The following DNAH1 variants were observed in gnomAD, a reference collection of about 807,000 sequenced individuals.
DNAH1 encodes the protein dynein axonemal heavy chain 1, also known as axonemal beta dynein heavy chain 1.
In DNAH1, 327 loss-of-function variants were observed where a neutral mutation model predicts 484.3. The ratio of observed to expected loss-of-function variants is 0.68; its 90% CI spans 0.62 to 0.74. The LOEUF is 0.74. DNAH1 is among the 30% of genes least tolerant of loss of function. The pLI is 0.00. For synonymous variants in DNAH1, 2,192 were observed against 2,191.9 expected (o/e 1.00, Z 0.00); for missense variants, 5,052 against 5,546.8 (o/e 0.91, Z 2.83).
chr3:52,381,542 T>G lies in DNAH1; in HGVS notation c.7609-98T>G. ...CAGGTGGTCAAGGCACCTGTGCTTC[T>G]CAGTCAGGACAGAGAAGAAAGCGGG... is the stretch of plus-strand genomic sequence containing the variant. On this transcript the variant is annotated intron_variant, in intron 48 of 77. Coordinates refer to ENST00000420323, the MANE Select transcript of DNAH1 (RefSeq NM_015512.5). The surrounding 1 kb of genome is among the most constrained non-coding windows in gnomAD (Gnocchi z 4.1). The G allele has an allele frequency of 8.3e-7, 1 of 1,204,470 alleles. No homozygotes were observed. The highest frequency in any genetic ancestry group is 1.1e-6 in the Non-Finnish European group (1 of 872,008). The allele number at this position is 1,204,470 out of a possible 1,614,324, so 74.6% of individuals were successfully genotyped here.
intron 67 of DNAH1, 112 bp downstream of exon 67, chr3:52,394,773 G>C (rs980549820): frequency 1.1e-5 from 16 of 1,475,796 alleles, no homozygotes; most frequent in Middle Eastern, 1.8e-4. Context: ...CCCTGTGGCT[G>C]TGGCCACATC....
chr3:52,330,089 C>T (rs898472627), intron 6 of DNAH1, among the ~76,000 whole-genome samples: 1 of 152,184 alleles, frequency 6.6e-6, no homozygotes, highest in African/African-American at 2.4e-5. Flanking sequence ...GGATTATAGG[C>T]ATGAGCCACC....
At chr3:52,349,743 C>T (rs925097744) in intron 14 of DNAH1, among the ~76,000 whole-genome samples, 8 of 152,216 alleles carry the variant, frequency 5.3e-5, no homozygotes, top group South Asian at 2.1e-4. Flanking sequence ...AGAAGCCCTG[C>T]GTGTGTTGGT....
In DNAH1 at chr3:52,355,429, G is replaced by T. The variant is rs144222239; in HGVS notation, c.3693+374G>T. Among the ~76,000 whole-genome samples, 506 of 152,374 alleles carry T rather than the reference G, an allele frequency of 3.3e-3. 3 individuals are homozygous for T. Among genetic ancestry groups the T allele is most frequent in the African/African-American group, 0.011 (474 of 41,592 alleles). On this transcript the variant is annotated intron_variant, in intron 21 of 77. Coordinates refer to ENST00000420323, the MANE Select transcript of DNAH1 (RefSeq NM_015512.5). This position sits in a 1 kb window ranked among gnomAD's most constrained non-coding sequence, Gnocchi z 4.5. ...GGGCCGGATGTCCCAAGGTCCCAGA[G>T]CACCTCAGTGCCCTTTCCCACTCTG... is the stretch of plus-strand genomic sequence containing the variant.
rs749246232 is a variant in DNAH1, at chr3:52,383,421, C to T, written c.7977C>T (p.Asn2659=). The change falls in exon 51 of 78, where the codon AAC becomes AAT. Residue 2659 remains asparagine (N), a synonymous_variant. Transcript: ENST00000420323. The stretch of plus-strand genomic sequence containing the variant: ...AATCCTTCCTGGAAGATATCAACAA[C>T]GTCCTAAACTCTGGTGACATTCCCA... ...KNESFLEDIN[N]VLNSGDIPNL... The T allele has an allele frequency of 5.6e-6, 9 of 1,613,870 alleles. No individual in the cohort carries two copies. The highest frequency in any genetic ancestry group is 2.2e-5 in the South Asian group (2 of 91,074).
intron 8 of DNAH1, among the ~76,000 whole-genome samples, chr3:52,341,827 G>A (rs1164772087): frequency 2.6e-5 from 4 of 152,146 alleles, no homozygotes; most frequent in African/African-American, 7.2e-5. Context: ...AAGGGAGGGA[G>A]TGGATGTCAG....
rs200103057 is a variant in DNAH1 at position 52,354,966 on chromosome 3, G to A, written c.3604G>A (p.Val1202Ile). 2.3e-5 allele frequency: 37 copies of A among 1,613,892 alleles called. No individual in the cohort carries two copies. The highest frequency in any genetic ancestry group is 1.6e-4 in the Middle Eastern group (1 of 6,084). Residue 1202 changes from valine (V) to isoleucine (I), a missense_variant, in exon 21 of 78, where the codon GTC (valine) becomes ATC (isoleucine). Around this residue, in one of 4 missense-constraint regions of DNAH1, gnomAD observed 2,929 missense variants for 3,409.4 expected, o/e 0.86. Transcript: ENST00000420323. ...EASQLLDDHI[V>I]MTQNMSFSPY... ...CTCACAGCTGCTGGACGACCACATC[G>A]TCATGACCCAGAATATGTCATTTTC... is the stretch of plus-strand genomic sequence containing the variant.
At chr3:52,377,162 G>A (rs1167150696) in intron 46 of DNAH1, among the ~76,000 whole-genome samples, 1 of 152,088 alleles carries the variant, frequency 6.6e-6, no homozygotes, top group Non-Finnish European at 1.5e-5. Context: ...GATGTCCACA[G>A]GGTATCTCAG....
intron 44 of DNAH1, chr3:52,374,388 A>G (rs1578167243): frequency 1.5e-6 from 2 of 1,373,294 alleles, no homozygotes; most frequent in Non-Finnish European, 2.1e-6. Context: ...GTTTTTAGAA[A>G]AGGACAGCAC....
intron 1 of DNAH1, among the ~76,000 whole-genome samples, chr3:52,320,398 G>A (rs1701101175): frequency 6.6e-6 from 1 of 152,250 alleles, no homozygotes; most frequent in Non-Finnish European, 1.5e-5. Flanking sequence ...GCTGGAGGCA[G>A]GTCGGCCTTT....
At position 52,361,474 on chromosome 3, in the gene DNAH1, G is replaced by A; in HGVS notation, c.4874+122G>A. 1 of 1,310,314 alleles carries A rather than the reference G, an allele frequency of 7.6e-7. No homozygotes were observed. The highest frequency in any genetic ancestry group is 1.0e-6 in the Non-Finnish European group (1 of 960,574). The allele number at this position is 1,310,314 out of a possible 1,614,324, so 81.2% of individuals were successfully genotyped here. A position where few individuals can be genotyped will look rare whatever the true frequency, so the allele number is the denominator to read the frequency against. ...AGGATGGTGGAGGGGACAGAAGGGG[G>A]TAATAGGCATCACGGCTTGGTCCTG... On this transcript the variant is annotated intron_variant, in intron 29 of 77. Transcript: ENST00000420323. The surrounding 1 kb of genome is among the most constrained non-coding windows in gnomAD (Gnocchi z 5.6).
In DNAH1 at chr3:52,395,853, C is replaced by G. The variant is rs1415576989; in HGVS notation, c.11259+175C>G. ...ACATCATTAATCCTCTCAATCCACC[C>G]CCACCCCCAGTTACCTGTACAAGCG... On this transcript the variant is annotated intron_variant, in intron 70 of 77. Transcript: ENST00000420323. The surrounding 1 kb of genome is among the most constrained non-coding windows in gnomAD (Gnocchi z 4.4). Among the ~76,000 whole-genome samples, 31 of 152,176 alleles carry G rather than the reference C, an allele frequency of 2.0e-4. No homozygotes were observed. Among genetic ancestry groups the G allele is most frequent in the Non-Finnish European group, 5.9e-5 (4 of 68,036 alleles).
rs1405200036 is a variant in DNAH1, at chr3:52,348,983, C to T, written c.2202C>T (p.Ala734=). The change falls in exon 13 of 78, where the codon GCC becomes GCT. Residue 734 remains alanine (A), a synonymous_variant. Coordinates refer to ENST00000420323, the MANE Select transcript of DNAH1 (RefSeq NM_015512.5). Reference sequence around the variant, plus strand: ...TGGAAGAGCTACGGGCCACCATTGCCAGTGCCGTGTCCAAGGCCATGATCC... The same window carrying T: ...TGGAAGAGCTACGGGCCACCATTGCTAGTGCCGTGTCCAAGGCCATGATCC... ...PLVEELRATI[A]SAVSKAMIPL... 5 of 1,613,470 alleles carry T rather than the reference C, an allele frequency of 3.1e-6. No individual in the cohort carries two copies. The highest frequency in any genetic ancestry group is 4.2e-6 in the Non-Finnish European group (5 of 1,179,900).
intron 22 of DNAH1, 41 bp from the exon 23 acceptor site, chr3:52,357,573 A>G (rs936378485): frequency 1.9e-6 from 3 of 1,583,786 alleles, no homozygotes; most frequent in African/African-American, 2.7e-5. Context: ...TACCTGGACC[A>G]TGCTCACTGC....
At position 52,390,860 on chromosome 3, in the gene DNAH1, C is replaced by T. The variant is rs981514030; in HGVS notation, c.9622-75C>T. The stretch of plus-strand genomic sequence containing the variant: ...GAAGTCCATAGCCGAAACACGAGGC[C>T]GGGAGATGCTGATGCCCTCAGTGAC... On this transcript the variant is annotated intron_variant, in intron 60 of 77. Transcript: ENST00000420323. 60 of 1,541,330 alleles carry T rather than the reference C, an allele frequency of 3.9e-5. No individual in the cohort carries two copies. The East Asian group carries it at 5.9e-4, about 15-fold the overall frequency.
chr3:52,383,622 T>TG (rs1200753495), intron 51 of DNAH1, 28 bp downstream of exon 51: 18 of 1,532,174 alleles, frequency 1.2e-5, no homozygotes, highest in Non-Finnish European at 1.6e-5. Context: ...CAGGCTGCGC[T>TG]GGGGCAGCGG....
chr3:52,350,750 G>A (rs1702342051), intron 16 of DNAH1, among the ~76,000 whole-genome samples, 160 bp downstream of exon 16: 7 of 152,210 alleles, frequency 4.6e-5, no homozygotes, highest in Admixed American at 4.6e-4. Flanking sequence ...ACATGGGCCG[G>A]GACCAGCCAG....
intron 59 of DNAH1, 120 bp from the exon 60 acceptor site, chr3:52,389,341 G>A: frequency 7.1e-7 from 1 of 1,410,594 alleles, no homozygotes. Context: ...TAGAATGCAG[G>A]TATCTGGCTC....
chr3:52,359,965 G>C lies in DNAH1; in HGVS notation c.4457G>C (p.Arg1486Pro). ...CGGGGGAAGCTGTCCCGCATGCAGC[G>C]GGCAGTGCTGTCAGCGCTAATCGTC... ...LVRGKLSRMQRAVLSALIVIE... is the reference protein window; with the variant it reads ...LVRGKLSRMQPAVLSALIVIE... Residue 1486 changes from arginine (R) to proline (P), a missense_variant, in exon 27 of 78, where the codon CGG (arginine) becomes CCG (proline). This residue lies in a region of DNAH1 where 2,929 missense variants were observed against 3,409.4 expected (regional missense o/e 0.86). Coordinates refer to ENST00000420323, the MANE Select transcript of DNAH1 (RefSeq NM_015512.5). 1.2e-6 allele frequency: 2 copies of C among 1,613,896 alleles called. No individual in the cohort carries two copies. Among genetic ancestry groups the C allele is most frequent in the Non-Finnish European group, 1.7e-6 (2 of 1,179,884 alleles).
Sources: gnomAD v4.1 joint callset for allele counts (sites outside exome capture counted in the v4.1 genomes callset) on GRCh38, gnomAD v4.1.1 for gene constraint, gnomAD v4.1.1 regional missense constraint, Gnocchi (gnomAD v3.1) non-coding constraint, MANE v1.5 for transcripts, NCBI Gene and HGNC (gene_info 2026-07-23, HGNC 2026-07-21) for gene names.